The following HEG1 variants were observed in gnomAD, a reference collection of about 807,000 sequenced individuals.
The protein encoded by HEG1 is heart development protein with EGF like domains 1.
HEG1 carries 56 observed loss-of-function variants against 125.6 expected under a neutral mutation model. The observed-to-expected ratio is 0.45, with a 90% CI of 0.36 to 0.56. HEG1 has a LOEUF of 0.56. HEG1 is among the 20% of genes least tolerant of loss of function. HEG1 has a pLI of 0.00. For missense variants in HEG1, 1,523 were observed against 1,670.0 expected, an observed-to-expected ratio of 0.91 and a Z score of 1.53; for synonymous variants, 644 against 668.5, an observed-to-expected ratio of 0.96 and a Z score of 0.57.
At position 124,996,376 on chromosome 3, in the gene HEG1, G is replaced by A. The variant is rs902782507; in HGVS notation, c.3652+1313C>T. On this transcript the variant is annotated intron_variant, in intron 12 of 16. Transcript: ENST00000311127. The stretch of plus-strand genomic sequence containing the variant: ...TGAAATTATAGGCGTGAGTCACCAC[G>A]CCCGGCTCAACTCCCCATTTCTAAG... Among the ~76,000 whole-genome samples, 10 of 152,168 alleles carry A rather than the reference G, an allele frequency of 6.6e-5. No individual in the cohort carries two copies. The East Asian group carries it at 1.4e-3, about 21-fold the overall frequency.
chr3:125,000,586 CA>C (rs994065039), intron 11 of HEG1, among the ~76,000 whole-genome samples: 15 of 151,810 alleles, frequency 9.9e-5, no homozygotes, highest in African/African-American at 3.4e-4. Context: ...ACTTCAACTT[CA>C]GAAAGTTTAG....
intron 1 of HEG1, among the ~76,000 whole-genome samples, chr3:125,050,071 A>G (rs1159562527): frequency 6.8e-6 from 1 of 147,942 alleles, no homozygotes; most frequent in African/African-American, 2.5e-5. Flanking sequence ...ACTGTTGATC[A>G]CCTCCCTTTT....
intron 15 of HEG1, among the ~76,000 whole-genome samples, chr3:124,975,047 C>G (rs1163211456): frequency 6.6e-6 from 1 of 152,182 alleles, no homozygotes; most frequent in Non-Finnish European, 1.5e-5. Context: ...TTATGTCCCT[C>G]TAGGTAACCA....
At chr3:125,029,649 G>A (rs931227936) in intron 1 of HEG1, among the ~76,000 whole-genome samples, 161 bp from the exon 2 acceptor site, 7 of 152,188 alleles carry the variant, frequency 4.6e-5, no homozygotes, top group African/African-American at 1.7e-4. Flanking sequence ...CAGCACTTTG[G>A]GAGGCTGAGG....
At chr3:124,990,539 A>G (rs1222952730) in intron 14 of HEG1, among the ~76,000 whole-genome samples, 6 of 152,058 alleles carry the variant, frequency 3.9e-5, no homozygotes, top group Non-Finnish European at 8.8e-5. Flanking sequence ...GGCTTTCACC[A>G]TGTTGGCCAG....
chr3:124,998,217 G>A (rs1191742937), intron 11 of HEG1, among the ~76,000 whole-genome samples: 1 of 152,184 alleles, frequency 6.6e-6, no homozygotes, highest in East Asian at 1.9e-4. Flanking sequence ...AAATACGGCT[G>A]AGTTCTTAGG....
chr3:124,976,963 C>A (rs559355515), intron 15 of HEG1, among the ~76,000 whole-genome samples: 2 of 152,270 alleles, frequency 1.3e-5, no homozygotes, highest in South Asian at 4.2e-4. Context: ...TGATATGGTT[C>A]GGCTATGTCC....
At chr3:124,977,706 T>G (rs1936570942) in intron 15 of HEG1, among the ~76,000 whole-genome samples, 153 bp downstream of exon 15, 1 of 152,244 alleles carries the variant, frequency 6.6e-6, no homozygotes, top group African/African-American at 2.4e-5. Flanking sequence ...CCAACTATCG[T>G]GAATTCCCTT....
At chr3:125,008,763 C>G (rs1937108526) in intron 8 of HEG1, among the ~76,000 whole-genome samples, 1 of 152,174 alleles carries the variant, frequency 6.6e-6, no homozygotes, top group Admixed American at 6.5e-5. Flanking sequence ...TGCCACTGCA[C>G]CACAGCCTGG....
intron 4 of HEG1, among the ~76,000 whole-genome samples, chr3:125,020,013 A>G (rs2107703737): frequency 6.6e-6 from 1 of 152,384 alleles, no homozygotes; most frequent in East Asian, 1.9e-4. Context: ...ATACCAAAGT[A>G]TAGCAAAAAC....
chr3:125,050,956 A>T (rs1224935589), intron 1 of HEG1, among the ~76,000 whole-genome samples: 12 of 152,236 alleles, frequency 7.9e-5, no homozygotes, highest in Admixed American at 1.3e-4. Context: ...CAGCATCTGC[A>T]TGGAGTACCA....
chr3:125,002,451 G>C, intron 9 of HEG1, 136 bp from the exon 10 acceptor site: 2 of 693,572 alleles, frequency 2.9e-6, no homozygotes, highest in Non-Finnish European at 4.9e-6. Context: ...GCACAGAAGT[G>C]GTGTCCTTTT....
chr3:125,044,698 C>T (rs1937635570), intron 1 of HEG1, among the ~76,000 whole-genome samples: 1 of 152,074 alleles, frequency 6.6e-6, no homozygotes, highest in Non-Finnish European at 1.5e-5. Flanking sequence ...AAAAAAAATA[C>T]AGAAATAGAG....
chr3:125,033,007 G>A (rs1032482056), intron 1 of HEG1, among the ~76,000 whole-genome samples: 2 of 152,110 alleles, frequency 1.3e-5, no homozygotes, highest in Admixed American at 1.3e-4. Flanking sequence ...GACCCACACT[G>A]ACCTGCGCTC....
In HEG1 at chr3:125,008,818, AC is replaced by A. The variant is rs1300300096; in HGVS notation, c.3193+886del. On this transcript the variant is annotated intron_variant, in intron 8 of 16. Transcript: ENST00000311127. ...TCTCAAAAAAAACAAAAAACAAAAA[AC>A]ACAAAAACAAAAAACTCTGTATCTT... 6.6e-4 allele frequency among the ~76,000 whole-genome samples: 10 copies of A among 15,182 alleles called. No individual in the cohort carries two copies. In the East Asian group the frequency reaches 0.018, roughly 27 times the overall value. The allele number at this position is 15,182 out of a possible 152,430, so 10.0% of individuals were successfully genotyped here.
chr3:124,999,864 C>G (rs1013405537), intron 11 of HEG1, among the ~76,000 whole-genome samples: 6 of 152,176 alleles, frequency 3.9e-5, no homozygotes, highest in African/African-American at 7.2e-5. Flanking sequence ...GGGGGATTTC[C>G]AAAGACTAAA....
chr3:125,008,081 T>C (rs1372387864), intron 8 of HEG1, among the ~76,000 whole-genome samples: 1 of 152,038 alleles, frequency 6.6e-6, no homozygotes, highest in Non-Finnish European at 1.5e-5. Context: ...GGCTAATTTG[T>C]GTAATTTTAG....
chr3:125,029,604 T>A, intron 1 of HEG1, 116 bp from the exon 2 acceptor site: 1 of 1,093,842 alleles, frequency 9.1e-7, no homozygotes, highest in Non-Finnish European at 1.3e-6. Flanking sequence ...AGTAAAAGAA[T>A]TTTGGCCAGG....
chr3:124,982,975 G>A (rs1936678925), intron 14 of HEG1, among the ~76,000 whole-genome samples: 2 of 152,188 alleles, frequency 1.3e-5, no homozygotes, highest in South Asian at 4.1e-4. Flanking sequence ...GTCTGGGAAG[G>A]AGAGCCTGCA....
Sources: allele counts gnomAD v4.1 joint callset (sites outside exome capture counted in the v4.1 genomes callset), GRCh38; gene constraint gnomAD v4.1.1; transcripts MANE v1.5; gene names NCBI Gene and HGNC (gene_info 2026-07-23, HGNC 2026-07-21).